Variants in GABRA3 observed in about 807,000 individuals in gnomAD.
GABRA3 encodes gamma-aminobutyric acid type A receptor subunit alpha3, also known as gamma-aminobutyric acid receptor subunit alpha-3.
In GABRA3, 10 loss-of-function variants were observed where a neutral mutation model predicts 30.1. That is an observed-to-expected ratio of 0.33 (90% CI 0.20 to 0.56). GABRA3 has a LOEUF of 0.56. GABRA3 is among the 20% of genes least tolerant of loss of function. The pLI is 0.89. For missense variants in GABRA3, 233 were observed against 392.0 expected, an observed-to-expected ratio of 0.59 and a Z score of 3.42; for synonymous variants, 151 against 146.8, an observed-to-expected ratio of 1.03 and a Z score of -0.21.
At chrX:152,205,173 A>C (rs1009017368) in intron 7 of GABRA3, among the ~76,000 whole-genome samples, 2 of 111,819 alleles carry the variant, frequency 1.8e-5, no homozygotes, top group Non-Finnish European at 3.8e-5. Flanking sequence ...GGGGATTAGG[A>C]CTTAAACATA....
At chrX:152,421,101 ACAC>A in intron 1 of GABRA3, among the ~76,000 whole-genome samples, 1 of 11,240 alleles carries the variant, frequency 8.9e-5, no homozygotes, top group Admixed American at 9.3e-4. Context: ...CACATTATAC[ACAC>A]ACACACACAC....
intron 3 of GABRA3, among the ~76,000 whole-genome samples, chrX:152,334,740 T>C (rs1377891333): frequency 9.5e-6 from 1 of 105,634 alleles, no homozygotes; most frequent in Non-Finnish European, 1.9e-5. Context: ...AAAATGCTCC[T>C]ATGGGCATAC....
At chrX:152,296,619 C>T (rs2124449578) in intron 3 of GABRA3, among the ~76,000 whole-genome samples, 1 of 111,406 alleles carries the variant, frequency 9.0e-6, no homozygotes, top group African/African-American at 3.3e-5. Flanking sequence ...TAGCATTTTG[C>T]TTGCATATGC....
intron 3 of GABRA3, among the ~76,000 whole-genome samples, chrX:152,306,547 T>C (rs1178636440): frequency 8.9e-6 from 1 of 111,812 alleles, no homozygotes; most frequent in Non-Finnish European, 1.9e-5. Flanking sequence ...TTCCCCATTG[T>C]AATGGAGTAA....
At chrX:152,188,204 C>T (rs1241590121) in intron 9 of GABRA3, among the ~76,000 whole-genome samples, 1 of 110,554 alleles carries the variant, frequency 9.0e-6, no homozygotes, top group Non-Finnish European at 1.9e-5. Flanking sequence ...ACAAGTTTAC[C>T]TATATAACAA....
chrX:152,233,528 A>G (rs757119169), intron 5 of GABRA3, among the ~76,000 whole-genome samples: 85 of 109,830 alleles, frequency 7.7e-4, no homozygotes, highest in Non-Finnish European at 1.4e-3. Flanking sequence ...AATGGCGATC[A>G]TTAAAAAGTC....
intron 1 of GABRA3, among the ~76,000 whole-genome samples, chrX:152,367,996 C>G (rs1402769412): frequency 8.9e-6 from 1 of 111,921 alleles, no homozygotes; most frequent in Non-Finnish European, 1.9e-5. Flanking sequence ...CATCTCTTGT[C>G]AAGATCATTG....
chrX:152,239,123 G>A (rs1313625668), intron 5 of GABRA3, among the ~76,000 whole-genome samples: 5 of 98,043 alleles, frequency 5.1e-5, no homozygotes, highest in Middle Eastern at 5.1e-3. Context: ...TTTCTCTTGT[G>A]GGCATTTAGT....
At chrX:152,430,067 G>A (rs765232898) in intron 1 of GABRA3, among the ~76,000 whole-genome samples, 2 of 111,612 alleles carry the variant, frequency 1.8e-5, no homozygotes, top group Admixed American at 9.5e-5. Context: ...AAATCCTGAA[G>A]GATTATCATG....
intron 3 of GABRA3, among the ~76,000 whole-genome samples, chrX:152,326,013 C>T (rs902049007): frequency 7.2e-5 from 8 of 110,834 alleles, no homozygotes; most frequent in African/African-American, 2.6e-4. Flanking sequence ...CCTTTAATGA[C>T]CTGACGGAGC....
At chrX:152,200,802 A>G (rs1457729292) in intron 7 of GABRA3, among the ~76,000 whole-genome samples, 1 of 112,535 alleles carries the variant, frequency 8.9e-6, no homozygotes, top group Non-Finnish European at 1.9e-5. Context: ...ACTTTTCAAA[A>G]GAGTACCAAA....
chrX:152,409,243 C>T (rs1158577009), intron 1 of GABRA3, among the ~76,000 whole-genome samples: 1 of 111,066 alleles, frequency 9.0e-6, no homozygotes. Flanking sequence ...CCTGTAGTTT[C>T]TGCTATTCAG....
chrX:152,202,430 C>T (rs774569851), intron 7 of GABRA3, among the ~76,000 whole-genome samples: 1 of 111,897 alleles, frequency 8.9e-6, no homozygotes, highest in South Asian at 3.7e-4. Flanking sequence ...CCCCAAATTA[C>T]CCATTTCACA....
At chrX:152,359,399 T>G (rs972663937) in intron 2 of GABRA3, among the ~76,000 whole-genome samples, 2 of 111,453 alleles carry the variant, frequency 1.8e-5, no homozygotes, top group Admixed American at 1.9e-4. Context: ...GGGTCAGCAG[T>G]AACATGTTCT....
intron 3 of GABRA3, among the ~76,000 whole-genome samples, chrX:152,322,849 T>A (rs1370886959): frequency 1.3e-5 from 1 of 77,466 alleles, no homozygotes; most frequent in African/African-American, 4.9e-5. Flanking sequence ...CTACTCTTTT[T>A]TTTTTTTTTT....
intron 3 of GABRA3, among the ~76,000 whole-genome samples, chrX:152,303,767 C>T (rs1049027919): frequency 2.8e-5 from 3 of 109,060 alleles, no homozygotes; most frequent in African/African-American, 1.0e-4. Context: ...ACAATGAGAA[C>T]ACATGGACAC....
chrX:152,282,469 A>T (rs12006914), intron 4 of GABRA3, among the ~76,000 whole-genome samples: 5,293 of 111,903 alleles, frequency 0.047, 243 homozygotes, highest in African/African-American at 0.14. Context: ...AGCCAGAATG[A>T]TTGTAGCTAT....
intron 4 of GABRA3, among the ~76,000 whole-genome samples, chrX:152,259,833 C>G: frequency 9.1e-6 from 1 of 110,347 alleles, no homozygotes; most frequent in Non-Finnish European, 1.9e-5. Flanking sequence ...TGGTACTAGA[C>G]GCTTTCTGCT....
intron 4 of GABRA3, among the ~76,000 whole-genome samples, chrX:152,265,610 C>T (rs1603228976): frequency 9.0e-6 from 1 of 111,043 alleles, no homozygotes; most frequent in East Asian, 2.8e-4. Context: ...AAGAGCAAAC[C>T]AAGCCCAACA....
Sources: gnomAD v4.1 joint callset for allele counts (sites outside exome capture counted in the v4.1 genomes callset) on GRCh38, gnomAD v4.1.1 for gene constraint, MANE v1.5 for transcripts, NCBI Gene and HGNC (gene_info 2026-07-23, HGNC 2026-07-21) for gene names.